The following ABCA13 variants were observed in gnomAD, a reference collection of about 807,000 sequenced individuals.
The protein encoded by ABCA13 is ATP-binding cassette sub-family A member 13.
ABCA13 carries 476 observed loss-of-function variants against 478.7 expected under a neutral mutation model. The ratio of observed to expected loss-of-function variants is 0.99; its 90% CI spans 0.92 to 1.07. ABCA13 has a LOEUF of 1.07. Ranked by LOEUF, ABCA13 falls within the 50% of genes least tolerant of loss-of-function variation. The pLI, the probability that ABCA13 is intolerant of heterozygous loss-of-function variation, is 0.00. For synonymous variants in ABCA13, 2,252 were observed against 2,158.9 expected, an observed-to-expected ratio of 1.04 and a Z score of -1.20; for missense variants, 6,060 against 5,910.6, an observed-to-expected ratio of 1.03 and a Z score of -0.83.
At chr7:48,234,262 G>A in intron 8 of ABCA13, 111 bp downstream of exon 8, 1 of 1,507,082 alleles carries the variant, frequency 6.6e-7, no homozygotes, top group Non-Finnish European at 9.2e-7. Flanking sequence ...AGCCAGACAG[G>A]AGAGTTCGGT....
At chr7:48,222,096 AG>A (rs777723696) in intron 5 of ABCA13, among the ~76,000 whole-genome samples, 2 of 152,234 alleles carry the variant, frequency 1.3e-5, no homozygotes, top group Non-Finnish European at 2.9e-5. Flanking sequence ...GTAAAAGAAT[AG>A]GGGCCAGCTA....
chr7:48,550,907 A>T lies in ABCA13; in HGVS notation c.14354+22562A>T, dbSNP rs530635952. Among the ~76,000 whole-genome samples the T allele has an allele frequency of 3.4e-4, 51 of 151,310 alleles. 1 individual carries two copies. Among genetic ancestry groups the T allele is most frequent in the Middle Eastern group, 3.4e-3 (1 of 292 alleles). On this transcript the variant is annotated intron_variant, in intron 55 of 61. Transcript: ENST00000435803. ...TAAGACTAATAGAGGCCAACTGAAA[A>T]TTTTTTTTACCTTCCAGCTCTTTAC...
chr7:48,363,682 T>C (rs1811234617), intron 31 of ABCA13, among the ~76,000 whole-genome samples: 1 of 152,166 alleles, frequency 6.6e-6, no homozygotes, highest in African/African-American at 2.4e-5. Context: ...CTTACTGTAT[T>C]TTGTGCAGTA....
intron 5 of ABCA13, among the ~76,000 whole-genome samples, chr7:48,226,979 C>T (rs1788302779): frequency 6.6e-6 from 1 of 152,034 alleles, no homozygotes; most frequent in Admixed American, 6.5e-5. Flanking sequence ...GTTGGTACAG[C>T]TTGTTACAAA....
At chr7:48,558,736 A>T (rs1234063496) in intron 55 of ABCA13, among the ~76,000 whole-genome samples, 1 of 152,094 alleles carries the variant, frequency 6.6e-6, no homozygotes, top group Non-Finnish European at 1.5e-5. Flanking sequence ...CAAAACGGCT[A>T]TTTTGAATTA....
Position 48,274,303 on chromosome 7 carries a change from AT to A in ABCA13, c.4640del (p.Leu1547Ter). On this transcript the variant is annotated frameshift_variant, in exon 17 of 62. Coordinates refer to ENST00000435803, the MANE Select transcript of ABCA13 (RefSeq NM_152701.5). LOFTEE classifies it high-confidence loss of function. ...IPNQFQNIWL[H>X]LITLGKEFQK... ...AATCAGTTTCAAAATATTTGGCTTC[AT>A]TTAATAACACTGGGGAAGGAATTTC... 6.2e-7 allele frequency: 1 copy of A among 1,613,444 alleles called. No homozygotes were observed. The highest frequency in any genetic ancestry group is 8.5e-7 in the Non-Finnish European group (1 of 1,179,680).
Position 48,369,856 on chromosome 7 carries a change from T to C in ABCA13, c.10803+1948T>C, listed in dbSNP as rs549787609. 7.9e-5 allele frequency among the ~76,000 whole-genome samples: 12 copies of C among 152,192 alleles called. No individual in the cohort carries two copies. The South Asian group carries it at 2.1e-3, about 26-fold the overall frequency. On this transcript the variant is annotated intron_variant, in intron 32 of 61. Coordinates refer to ENST00000435803, the MANE Select transcript of ABCA13 (RefSeq NM_152701.5). ...CTCCAGATTTGTTCTTTTTGCTTAG[T>C]CTTGCTTTGACTGTGTGGGTTATTT...
chr7:48,637,575 T>C (rs1379845126), intron 59 of ABCA13, among the ~76,000 whole-genome samples: 1 of 152,016 alleles, frequency 6.6e-6, no homozygotes, highest in African/African-American at 2.4e-5. Flanking sequence ...TCAGAGACCA[T>C]TAAAAATGCA....
intron 3 of ABCA13, among the ~76,000 whole-genome samples, chr7:48,216,634 T>C (rs1786524734): frequency 6.6e-6 from 1 of 152,236 alleles, no homozygotes; most frequent in African/African-American, 2.4e-5. Context: ...TTTGTGCTTT[T>C]GGTGTCATAT....
chr7:48,514,019 A>G (rs4917021), intron 51 of ABCA13, among the ~76,000 whole-genome samples: 45,646 of 152,056 alleles, frequency 0.3, 7,808 homozygotes, highest in African/African-American at 0.47. Flanking sequence ...ACATAACCCA[A>G]CATGGAAACC....
intron 23 of ABCA13, among the ~76,000 whole-genome samples, chr7:48,302,890 T>C (rs1367300499): frequency 6.6e-6 from 1 of 152,216 alleles, no homozygotes; most frequent in African/African-American, 2.4e-5. Flanking sequence ...GTTCTCTTTC[T>C]AGTTCTGTGA....
chr7:48,486,035 C>T (rs1829263734), intron 47 of ABCA13, among the ~76,000 whole-genome samples: 1 of 152,142 alleles, frequency 6.6e-6, no homozygotes, highest in African/African-American at 2.4e-5. Context: ...GTATTCCAGC[C>T]TGGGGTACCT....
rs578239643 is a variant in ABCA13 at position 48,445,132 on chromosome 7, C to T, written c.12566-9905C>T. On this transcript the variant is annotated intron_variant, in intron 42 of 61. Transcript: ENST00000435803. ...CAAGCGATTCTCCTGCCTCAGCCTC[C>T]TGAGTAGCTGGAATTACAGGTGCCC... is the stretch of plus-strand genomic sequence containing the variant. Among the ~76,000 whole-genome samples the T allele has an allele frequency of 3.3e-5, 5 of 152,126 alleles. No individual in the cohort carries two copies. The East Asian group carries it at 5.8e-4, about 18-fold the overall frequency.
intron 28 of ABCA13, among the ~76,000 whole-genome samples, chr7:48,335,827 T>C (rs1031437437): frequency 6.6e-6 from 1 of 152,362 alleles, no homozygotes; most frequent in South Asian, 2.1e-4. Context: ...TATTTTTGAA[T>C]TGCAGGTCTA....
At chr7:48,479,061 C>T (rs1303709631) in intron 45 of ABCA13, among the ~76,000 whole-genome samples, 5 of 150,736 alleles carry the variant, frequency 3.3e-5, no homozygotes, top group Non-Finnish European at 7.4e-5. Context: ...CATTCTCCTG[C>T]CTCAGCCTCC....
chr7:48,560,407 A>T (rs1162993535), intron 55 of ABCA13, among the ~76,000 whole-genome samples: 1 of 152,104 alleles, frequency 6.6e-6, no homozygotes, highest in Non-Finnish European at 1.5e-5. Context: ...TGGGGGAGGG[A>T]TGTAATCAGC....
intron 23 of ABCA13, among the ~76,000 whole-genome samples, chr7:48,301,061 G>T (rs762129912): frequency 1.3e-5 from 2 of 152,140 alleles, no homozygotes; most frequent in African/African-American, 2.4e-5. Context: ...ATTTTCTGTG[G>T]TAAACAATTA....
At chr7:48,352,530 T>C in intron 31 of ABCA13, 43 bp downstream of exon 31, 2 of 1,506,440 alleles carry the variant, frequency 1.3e-6, no homozygotes, top group Non-Finnish European at 1.8e-6. Flanking sequence ...GAGAAGGGCC[T>C]TGCATTTGTC....
chr7:48,365,669 A>G (rs2129012954), intron 31 of ABCA13, among the ~76,000 whole-genome samples: 1 of 152,292 alleles, frequency 6.6e-6, no homozygotes, highest in Admixed American at 6.5e-5. Flanking sequence ...TTTATTGAAG[A>G]GATAGTCCTT....
Sources: allele counts gnomAD v4.1 joint callset (sites outside exome capture counted in the v4.1 genomes callset), GRCh38; gene constraint gnomAD v4.1.1; transcripts MANE v1.5; gene names NCBI Gene and HGNC (gene_info 2026-07-23, HGNC 2026-07-21).